Variants in NRG3 observed in about 807,000 individuals in gnomAD.
NRG3 encodes the protein pro-neuregulin-3, membrane-bound isoform.
Under a neutral mutation model 66.9 loss-of-function variants are expected in NRG3, and 31 were observed. The observed-to-expected ratio is 0.46, with a 90% confidence interval of 0.35 to 0.63. NRG3 has a LOEUF of 0.63. NRG3 is among the 20% of genes least tolerant of loss of function. The pLI is 0.00. For missense variants in NRG3, 910 were observed against 878.9 expected (o/e 1.04, Z -0.45); for synonymous variants, 393 against 359.4 (o/e 1.09, Z -1.06).
chr10:81,960,505 G>C (rs967324609), intron 1 of NRG3, among the ~76,000 whole-genome samples: 3 of 151,930 alleles, frequency 2.0e-5, no homozygotes, highest in Non-Finnish European at 4.4e-5. Context: ...CTTCAGAAGT[G>C]AAAACTGAAA....
chr10:81,973,565 C>T (rs1311637764), intron 1 of NRG3, among the ~76,000 whole-genome samples: 8 of 152,096 alleles, frequency 5.3e-5, no homozygotes, highest in Admixed American at 5.2e-4. Context: ...ACCTTGACAG[C>T]ATCTGTTATT....
At chr10:82,024,967 C>T (rs1460347503) in intron 1 of NRG3, among the ~76,000 whole-genome samples, 1 of 152,072 alleles carries the variant, frequency 6.6e-6, no homozygotes, top group African/African-American at 2.4e-5. Context: ...TGGAGCACAG[C>T]ATCCTTCAAT....
chr10:81,988,734 G>C (rs1204011617), intron 1 of NRG3, among the ~76,000 whole-genome samples: 1 of 152,120 alleles, frequency 6.6e-6, no homozygotes, highest in Non-Finnish European at 1.5e-5. Flanking sequence ...ATAACAGTAA[G>C]TAGACATAAG....
chr10:81,977,176 T>C (rs2060155380), intron 1 of NRG3, among the ~76,000 whole-genome samples: 1 of 152,214 alleles, frequency 6.6e-6, no homozygotes, highest in Non-Finnish European at 1.5e-5. Context: ...ACTTCCCAGA[T>C]TGAATGAGGT....
intron 2 of NRG3, among the ~76,000 whole-genome samples, chr10:82,590,657 T>C (rs915709036): frequency 7.2e-5 from 11 of 152,188 alleles, no homozygotes; most frequent in African/African-American, 2.7e-4. Context: ...GGGGTTGTGG[T>C]GCACCTGTGC....
chr10:82,172,834 C>T (rs930419228), intron 1 of NRG3, among the ~76,000 whole-genome samples: 1 of 152,132 alleles, frequency 6.6e-6, no homozygotes, highest in Non-Finnish European at 1.5e-5. Context: ...TGGGCCCTCC[C>T]TGTCTCCCTT....
intron 2 of NRG3, among the ~76,000 whole-genome samples, chr10:82,466,995 C>T (rs1231006048): frequency 1.3e-5 from 2 of 151,782 alleles, no homozygotes; most frequent in Non-Finnish European, 2.9e-5. Context: ...CAAAGAGCTT[C>T]AAGGATGTGC....
intron 1 of NRG3, among the ~76,000 whole-genome samples, chr10:82,089,814 C>T (rs2065927252): frequency 6.6e-6 from 1 of 152,174 alleles, no homozygotes; most frequent in Non-Finnish European, 1.5e-5. Flanking sequence ...AGAGAATTTT[C>T]TCCACAATAG....
At chr10:82,579,299 T>A (rs1272473043) in intron 2 of NRG3, among the ~76,000 whole-genome samples, 2 of 151,838 alleles carry the variant, frequency 1.3e-5, no homozygotes, top group Non-Finnish European at 2.9e-5. Flanking sequence ...ATAAAGATAA[T>A]CACCTTAAAT....
At chr10:82,290,403 A>T (rs2079656691) in intron 1 of NRG3, among the ~76,000 whole-genome samples, 1 of 152,204 alleles carries the variant, frequency 6.6e-6, no homozygotes, top group South Asian at 2.1e-4. Flanking sequence ...TATTGTCCAC[A>T]TTATATATTT....
intron 1 of NRG3, among the ~76,000 whole-genome samples, chr10:82,074,623 A>C (rs1329484612): frequency 6.6e-6 from 1 of 152,140 alleles, no homozygotes; most frequent in Non-Finnish European, 1.5e-5. Context: ...TGAAGCCAGG[A>C]GTTTGAGACC....
At chr10:82,747,370 A>G (rs1442620300) in intron 3 of NRG3, among the ~76,000 whole-genome samples, 4 of 152,010 alleles carry the variant, frequency 2.6e-5, no homozygotes, top group African/African-American at 9.7e-5. Flanking sequence ...CTGTACCTTG[A>G]TGTCCAAATG....
rs190629877 is a variant in NRG3 at position 81,895,716 on chromosome 10, G to A, written c.823+19553G>A. 9.8e-5 allele frequency among the ~76,000 whole-genome samples: 15 copies of A among 152,300 alleles called. No homozygotes were observed. The East Asian group carries it at 1.2e-3, about 12-fold the overall frequency. ...TTAAGTCAGGAAGATAAGCTTGAAT[G>A]TGAGTTTTGCTTCTTCTAAGATACC... On this transcript the variant is annotated intron_variant, in intron 1 of 8. Transcript: ENST00000372141.
At chr10:82,576,895 G>T (rs547903491) in intron 2 of NRG3, among the ~76,000 whole-genome samples, 3 of 151,814 alleles carry the variant, frequency 2.0e-5, no homozygotes, top group African/African-American at 2.4e-5. Flanking sequence ...CTGCTGCTCA[G>T]GAATTTGCTC....
intron 1 of NRG3, among the ~76,000 whole-genome samples, chr10:82,344,594 A>C (rs1218513347): frequency 7.1e-6 from 1 of 140,524 alleles, no homozygotes. Flanking sequence ...TGGGATGGCT[A>C]GGTCAAATGG....
At chr10:82,962,746 G>A (rs1242361932) in intron 6 of NRG3, among the ~76,000 whole-genome samples, 1 of 152,046 alleles carries the variant, frequency 6.6e-6, no homozygotes, top group Non-Finnish European at 1.5e-5. Context: ...GGTTGAGGTG[G>A]GAGAATTGCT....
At chr10:82,243,997 T>C (rs1159438319) in intron 1 of NRG3, among the ~76,000 whole-genome samples, 1 of 152,192 alleles carries the variant, frequency 6.6e-6, no homozygotes, top group Non-Finnish European at 1.5e-5. Context: ...CTATACTTTT[T>C]CTGAATCAGT....
intron 1 of NRG3, among the ~76,000 whole-genome samples, chr10:81,964,714 C>A (rs1003000218): frequency 2.6e-5 from 4 of 152,160 alleles, no homozygotes; most frequent in Non-Finnish European, 5.9e-5. Context: ...AGAGAGTCAA[C>A]CCCCTACCAC....
intron 1 of NRG3, among the ~76,000 whole-genome samples, chr10:81,894,924 T>C (rs897712096): frequency 6.6e-6 from 1 of 152,172 alleles, no homozygotes; most frequent in African/African-American, 2.4e-5. Context: ...TGCCAGGGGC[T>C]GTGGAGAGGT....
Sources: gnomAD v4.1 joint callset for allele counts (sites outside exome capture counted in the v4.1 genomes callset) on GRCh38, gnomAD v4.1.1 for gene constraint, MANE v1.5 for transcripts, NCBI Gene and HGNC (gene_info 2026-07-23, HGNC 2026-07-21) for gene names.